Variants in TBC1D22A observed in about 807,000 individuals in gnomAD.
The protein encoded by TBC1D22A is putative GTPase activator.
In TBC1D22A, 38 loss-of-function variants were observed where a neutral mutation model predicts 60.2. The observed-to-expected ratio is 0.63, with a 90% CI of 0.49 to 0.83. The LOEUF (loss-of-function observed/expected upper bound fraction) is 0.83. Among genes scored for constraint, TBC1D22A ranks in the 40% least tolerant of loss-of-function variants. The pLI is 0.00. For missense variants in TBC1D22A, 628 were observed against 701.0 expected (o/e 0.90, Z 1.18); for synonymous variants, 302 against 281.7 (o/e 1.07, Z -0.72).
At chr22:46,882,439 A>C (rs2067898903) in intron 5 of TBC1D22A, among the ~76,000 whole-genome samples, 1 of 151,902 alleles carries the variant, frequency 6.6e-6, no homozygotes, top group Non-Finnish European at 1.5e-5. Flanking sequence ...GCTCTAAGAC[A>C]CTCAGGCTCC....
chr22:46,902,723 A>G (rs187907612), intron 7 of TBC1D22A, among the ~76,000 whole-genome samples: 16 of 151,816 alleles, frequency 1.1e-4, no homozygotes, highest in Admixed American at 3.3e-4. Context: ...ACTGCAAGCA[A>G]CACACCTGCA....
intron 11 of TBC1D22A, among the ~76,000 whole-genome samples, chr22:47,058,972 T>A (rs2063484566): frequency 6.6e-6 from 1 of 152,176 alleles, no homozygotes; most frequent in African/African-American, 2.4e-5. Context: ...CCAGTCATCA[T>A]CACACAAGAA....
intron 4 of TBC1D22A, among the ~76,000 whole-genome samples, chr22:46,868,946 G>GA (rs912744583): frequency 1.3e-5 from 2 of 152,160 alleles, no homozygotes; most frequent in Non-Finnish European, 2.9e-5. Context: ...AGTAGGTGGG[G>GA]GGTGCCCCTG....
intron 9 of TBC1D22A, among the ~76,000 whole-genome samples, chr22:46,994,995 T>C (rs1448982420): frequency 1.3e-5 from 2 of 152,250 alleles, no homozygotes; most frequent in African/African-American, 4.8e-5. Flanking sequence ...TAGCTGTTGC[T>C]GCGGCTCCCT....
At chr22:46,950,022 T>C (rs538476856) in intron 8 of TBC1D22A, among the ~76,000 whole-genome samples, 1 of 152,274 alleles carries the variant, frequency 6.6e-6, no homozygotes, top group South Asian at 2.1e-4. Flanking sequence ...ACATGGCCTT[T>C]TTTGAAAAGG....
chr22:47,049,199 A>G (rs131916), intron 11 of TBC1D22A, among the ~76,000 whole-genome samples: 106,955 of 152,224 alleles, frequency 0.7, 38,057 homozygotes, highest in East Asian at 0.92. Flanking sequence ...TGTGATATTC[A>G]GACGGTTTCC....
At position 47,144,401 on chromosome 22, in the gene TBC1D22A, A is replaced by G. The variant is rs1449308900; in HGVS notation, c.1426-29097A>G. On this transcript the variant is annotated intron_variant, in intron 12 of 12. Coordinates refer to ENST00000337137, the MANE Select transcript of TBC1D22A (RefSeq NM_014346.5). ...GCTACAGCATAAAGATGAAGAAGTG[A>G]GACCACTTCTACCATACTCCAGAAC... is the stretch of plus-strand genomic sequence containing the variant. Among the ~76,000 whole-genome samples, 6 of 152,312 alleles carry G rather than the reference A, an allele frequency of 3.9e-5. No homozygotes were observed. The East Asian group carries it at 1.2e-3, about 29-fold the overall frequency.
At chr22:46,817,741 A>G (rs1025113373) in intron 4 of TBC1D22A, among the ~76,000 whole-genome samples, 5 of 152,238 alleles carry the variant, frequency 3.3e-5, no homozygotes, top group Non-Finnish European at 5.9e-5. Flanking sequence ...TCTTCATAGT[A>G]GAATGATTTA....
chr22:46,926,193 T>C (rs183734091), intron 8 of TBC1D22A, among the ~76,000 whole-genome samples: 4 of 152,296 alleles, frequency 2.6e-5, no homozygotes, highest in Non-Finnish European at 5.9e-5. Context: ...TTTATAGTTG[T>C]AACGGACTAT....
chr22:46,991,816 C>T (rs1310731030), intron 9 of TBC1D22A, among the ~76,000 whole-genome samples: 3 of 152,168 alleles, frequency 2.0e-5, no homozygotes, highest in Admixed American at 6.5e-5. Context: ...GCAGCTTGCT[C>T]GCTGCCCTCC....
At chr22:46,962,732 T>TTCTACA (rs1392995190) in intron 8 of TBC1D22A, among the ~76,000 whole-genome samples, 2 of 152,220 alleles carry the variant, frequency 1.3e-5, no homozygotes, top group Non-Finnish European at 2.9e-5. Flanking sequence ...AAACGTCAGA[T>TTCTACA]TCTACAGGGC....
At chr22:47,023,078 CGTTA>C (rs1603041693) in intron 10 of TBC1D22A, among the ~76,000 whole-genome samples, 2 of 152,118 alleles carry the variant, frequency 1.3e-5, no homozygotes, top group African/African-American at 2.4e-5. Context: ...ATGTTAGACT[CGTTA>C]GTTAGGCAGA....
chr22:47,058,503 T>A (rs989677874), intron 11 of TBC1D22A, among the ~76,000 whole-genome samples: 1 of 152,022 alleles, frequency 6.6e-6, no homozygotes, highest in African/African-American at 2.4e-5. Flanking sequence ...ATTAGAGCCC[T>A]CCTTCCCCTC....
chr22:46,999,102 G>A (rs930409565), intron 10 of TBC1D22A, among the ~76,000 whole-genome samples: 3 of 152,208 alleles, frequency 2.0e-5, no homozygotes, highest in Admixed American at 6.5e-5. Flanking sequence ...GGCGTATTTC[G>A]TGTTTTCGTG....
At chr22:47,103,309 T>A (rs1429523695) in intron 11 of TBC1D22A, among the ~76,000 whole-genome samples, 1 of 152,084 alleles carries the variant, frequency 6.6e-6, no homozygotes, top group Non-Finnish European at 1.5e-5. Flanking sequence ...CGCGGAGACA[T>A]GGCCAGGGCT....
At chr22:46,788,346 T>C (rs1321984404) in intron 1 of TBC1D22A, among the ~76,000 whole-genome samples, 1 of 152,190 alleles carries the variant, frequency 6.6e-6, no homozygotes, top group Non-Finnish European at 1.5e-5. Flanking sequence ...CTTAACACAT[T>C]GAGAGTTTAA....
intron 7 of TBC1D22A, among the ~76,000 whole-genome samples, chr22:46,904,102 T>TCTAA (rs2069218037): frequency 2.0e-5 from 1 of 50,662 alleles, no homozygotes; most frequent in African/African-American, 8.0e-5. Context: ...ATAAAATCTA[T>TCTAA]CTATCTATCT....
At chr22:46,941,218 C>CACACACACACAG (rs2072024569) in intron 8 of TBC1D22A, among the ~76,000 whole-genome samples, 1 of 124,244 alleles carries the variant, frequency 8.0e-6, no homozygotes, top group Non-Finnish European at 1.7e-5. Flanking sequence ...TACACACACA[C>CACACACACACAG]ACACACACAC....
At chr22:47,120,213 G>C (rs1270479975) in intron 12 of TBC1D22A, among the ~76,000 whole-genome samples, 1 of 151,868 alleles carries the variant, frequency 6.6e-6, no homozygotes, top group Non-Finnish European at 1.5e-5. Flanking sequence ...TGAGTTTAAT[G>C]AAAAGAAAAA....
Sources: allele counts gnomAD v4.1 joint callset (sites outside exome capture counted in the v4.1 genomes callset), GRCh38; gene constraint gnomAD v4.1.1; transcripts MANE v1.5; gene names NCBI Gene and HGNC (gene_info 2026-07-23, HGNC 2026-07-21).